TBC1D32: variants seen among roughly 807,000 people sequenced by gnomAD.
TBC1D32 encodes TBC1 domain family member 32, also known as protein broad-minded.
Under a neutral mutation model 170.3 loss-of-function variants are expected in TBC1D32, and 151 were observed. That is an observed-to-expected ratio of 0.89 (90% CI 0.78 to 1.01). TBC1D32 has a LOEUF of 1.01. Among genes scored for constraint, TBC1D32 ranks in the 50% least tolerant of loss-of-function variants. The pLI is 0.00. For missense variants in TBC1D32, 1,464 were observed against 1,457.1 expected (o/e 1.00, Z -0.08); for synonymous variants, 498 against 488.0 (o/e 1.02, Z -0.27).
chr6:121,212,565 C>T (rs1208319557), intron 21 of TBC1D32, among the ~76,000 whole-genome samples: 1 of 150,956 alleles, frequency 6.6e-6, no homozygotes, highest in Non-Finnish European at 1.5e-5. Context: ...AGCAATTCTC[C>T]TGCCTCAGCA....
At chr6:121,135,130 A>G (rs141244595) in intron 24 of TBC1D32, among the ~76,000 whole-genome samples, 3 of 152,222 alleles carry the variant, frequency 2.0e-5, no homozygotes, top group African/African-American at 7.2e-5. Context: ...GTCCAGGGAG[A>G]GGCCAGTGGT....
At chr6:121,257,901 A>G (rs1033937678) in intron 15 of TBC1D32, among the ~76,000 whole-genome samples, 2 of 152,100 alleles carry the variant, frequency 1.3e-5, no homozygotes, top group African/African-American at 4.8e-5. Context: ...ATCATCCTCC[A>G]TACTTCCTGG....
chr6:121,205,246 G>A (rs1408508565), intron 21 of TBC1D32, 83 bp from the exon 22 acceptor site: 36 of 656,122 alleles, frequency 5.5e-5, no homozygotes, highest in Non-Finnish European at 8.6e-5. Flanking sequence ...ATTTAGATTT[G>A]TGGCTCTCAA....
Position 121,279,190 on chromosome 6 carries a change from C to T in TBC1D32, c.1664G>A (p.Arg555Lys). 6.2e-7 allele frequency: 1 copy of T among 1,611,946 alleles called. No homozygotes were observed. Among genetic ancestry groups the T allele is most frequent in the African/African-American group, 1.3e-5 (1 of 74,940 alleles). ...AAGCCCTTCTTCTACAGATGCAATT[C>T]TTGCCAAAATACCAGCTATATGAAT... Reference protein sequence around the residue: ...ALIHIAGILARIASVEEGLIL... With the variant: ...ALIHIAGILAKIASVEEGLIL... The change falls in exon 15 of 32, where the codon AGA (arginine) becomes AAA (lysine). Residue 555 changes from arginine (R) to lysine (K), a missense_variant. By Grantham distance (26) the Arg-to-Lys change is conservative. Transcript: ENST00000398212.
intron 30 of TBC1D32, among the ~76,000 whole-genome samples, chr6:121,097,465 A>C (rs1219260782): frequency 6.6e-6 from 1 of 152,164 alleles, no homozygotes; most frequent in African/African-American, 2.4e-5. Context: ...CTGGTCATTA[A>C]AGAAATGCAA....
intron 24 of TBC1D32, among the ~76,000 whole-genome samples, chr6:121,151,113 T>A (rs928195256): frequency 3.3e-5 from 5 of 152,180 alleles, no homozygotes; most frequent in African/African-American, 1.2e-4. Flanking sequence ...CGATTTTAGG[T>A]CTTTCCCACT....
At chr6:121,208,567 C>A (rs1436340424) in intron 21 of TBC1D32, among the ~76,000 whole-genome samples, 1 of 151,734 alleles carries the variant, frequency 6.6e-6, no homozygotes, top group Non-Finnish European at 1.5e-5. Flanking sequence ...AGGGACACAG[C>A]CAAACCATAT....
intron 3 of TBC1D32, among the ~76,000 whole-genome samples, chr6:121,314,730 T>A (rs888101330): frequency 1.3e-5 from 2 of 152,174 alleles, no homozygotes; most frequent in Non-Finnish European, 2.9e-5. Context: ...GAAAGCTTAA[T>A]GTATATCAGA....
intron 24 of TBC1D32, among the ~76,000 whole-genome samples, chr6:121,155,066 C>T (rs1784706457): frequency 6.6e-6 from 1 of 152,146 alleles, no homozygotes; most frequent in Non-Finnish European, 1.5e-5. Context: ...ATAGGGATAG[C>T]ACTGAATCTA....
intron 15 of TBC1D32, among the ~76,000 whole-genome samples, chr6:121,271,107 G>C (rs569888947): frequency 6.6e-6 from 1 of 152,034 alleles, no homozygotes; most frequent in African/African-American, 2.4e-5. Flanking sequence ...TAGATGGGAC[G>C]TATCTCAAAA....
At chr6:121,255,584 A>C (rs185321821) in intron 16 of TBC1D32, among the ~76,000 whole-genome samples, 174 bp from the exon 17 acceptor site, 1 of 138,390 alleles carries the variant, frequency 7.2e-6, no homozygotes, top group East Asian at 2.3e-4. Flanking sequence ...TTTTATCCTT[A>C]ATGTTATTAA....
chr6:121,244,125 G>A (rs1797320383), intron 17 of TBC1D32, among the ~76,000 whole-genome samples: 1 of 151,648 alleles, frequency 6.6e-6, no homozygotes, highest in Non-Finnish European at 1.5e-5. Flanking sequence ...AATCCAAAAA[G>A]GGGAAATAAT....
chr6:121,147,615 G>T (rs760885453), intron 24 of TBC1D32, among the ~76,000 whole-genome samples: 6 of 151,252 alleles, frequency 4.0e-5, no homozygotes, highest in Non-Finnish European at 5.9e-5. Context: ...TTTTTGAGAC[G>T]GAGTCTTGCT....
intron 22 of TBC1D32, among the ~76,000 whole-genome samples, chr6:121,171,054 A>G (rs1268639280): frequency 6.6e-6 from 1 of 152,018 alleles, no homozygotes; most frequent in Admixed American, 6.6e-5. Flanking sequence ...TGTGTCTCCT[A>G]TTATAATGCA....
intron 21 of TBC1D32, among the ~76,000 whole-genome samples, chr6:121,210,064 C>T (rs891732004): frequency 6.6e-6 from 1 of 152,142 alleles, no homozygotes. Context: ...TTGTATCATT[C>T]ACCTTTAATT....
intron 24 of TBC1D32, among the ~76,000 whole-genome samples, chr6:121,140,702 T>C (rs568014270): frequency 2.3e-4 from 35 of 152,134 alleles, no homozygotes; most frequent in Middle Eastern, 3.4e-3. Context: ...TTTTTTCAAT[T>C]GTGAAAAAAT....
rs369794331 is a variant in TBC1D32 at position 121,205,165 on chromosome 6, T to C, written c.2482-2A>G. On this transcript the variant is annotated splice_acceptor_variant, in intron 21 of 31. Coordinates refer to ENST00000398212, the MANE Select transcript of TBC1D32 (RefSeq NM_152730.6). LOFTEE classifies it high-confidence loss of function. ...AATTATAAGTCTATCAATAATATCC[T>C]GAAAAAGACAGACAAAATGAGACTG... is the stretch of plus-strand genomic sequence containing the variant. 4.4e-6 allele frequency: 6 copies of C among 1,373,158 alleles called. No individual in the cohort carries two copies. The highest frequency in any genetic ancestry group is 2.8e-5 in the South Asian group (2 of 72,180). 85.1% of individuals were successfully genotyped at this position (1,373,158 alleles called of 1,614,324 possible).
chr6:121,159,045 C>A (rs544679334), intron 24 of TBC1D32, among the ~76,000 whole-genome samples: 16 of 152,270 alleles, frequency 1.1e-4, no homozygotes, highest in African/African-American at 3.6e-4. Context: ...CTTCTTCCAG[C>A]CCCTCTGCTT....
rs367571348 is a variant in TBC1D32 at position 121,220,842 on chromosome 6, T to C, written c.2481+2394A>G. On this transcript the variant is annotated intron_variant, in intron 21 of 31. Transcript: ENST00000398212. The stretch of plus-strand genomic sequence containing the variant: ...TTTTACTAGACACGGGGTTTCACCA[T>C]GTTGGCCAGGCTGCTCTCGAACTCC... Among the ~76,000 whole-genome samples the C allele has an allele frequency of 1.8e-4, 27 of 152,088 alleles. No homozygotes were observed. In the South Asian group the frequency reaches 4.2e-3, roughly 23 times the overall value.
Sources: allele counts gnomAD v4.1 joint callset (sites outside exome capture counted in the v4.1 genomes callset), GRCh38; gene constraint gnomAD v4.1.1; transcripts MANE v1.5; gene names NCBI Gene and HGNC (gene_info 2026-07-23, HGNC 2026-07-21).